NMT2: variants seen among roughly 807,000 people sequenced by gnomAD.
NMT2 encodes glycylpeptide N-tetradecanoyltransferase 2.
A neutral mutation model predicts 65.4 loss-of-function variants in NMT2; 35 were observed. That is an observed-to-expected ratio of 0.54 (90% CI 0.41 to 0.71). The LOEUF (loss-of-function observed/expected upper bound fraction) is 0.71. Ranked by LOEUF, NMT2 falls within the 30% of genes least tolerant of loss-of-function variation. The pLI, the probability that NMT2 is intolerant of heterozygous loss-of-function variation, is 0.00. For missense variants in NMT2, 489 were observed against 611.3 expected (o/e 0.80, Z 2.11); for synonymous variants, 226 against 231.8 (o/e 0.98, Z 0.23).
chr10:15,143,505 G>A (rs1426363869), intron 1 of NMT2, among the ~76,000 whole-genome samples: 1 of 152,234 alleles, frequency 6.6e-6, no homozygotes, highest in Non-Finnish European at 1.5e-5. Context: ...TGGGAAGGAC[G>A]CTTTGAAGTA....
At position 15,168,539 on chromosome 10, in the gene NMT2, T is replaced by G; in HGVS notation, c.74A>C (p.Asp25Ala). The G allele has an allele frequency of 6.3e-7, 1 of 1,593,320 alleles. No individual in the cohort carries two copies. Among genetic ancestry groups the G allele is most frequent in the Non-Finnish European group, 8.5e-7 (1 of 1,172,244 alleles). ...ELDDQDTCGI[D>A]GDNEEETEHA... ...CTCCGTCTCCTCCTCATTGTCCCCGTCTATCCCGCACGTGTCCTGGTCGTC... is the reference window on the plus strand; with the variant it reads ...CTCCGTCTCCTCCTCATTGTCCCCGGCTATCCCGCACGTGTCCTGGTCGTC... Residue 25 changes from aspartate to alanine, a missense_variant, in exon 1 of 12, where the codon GAC becomes GCC. Coordinates refer to ENST00000378165, the MANE Select transcript of NMT2 (RefSeq NM_004808.3).
At chr10:15,146,209 A>C (rs1363366376) in intron 1 of NMT2, among the ~76,000 whole-genome samples, 1 of 152,212 alleles carries the variant, frequency 6.6e-6, no homozygotes, top group Admixed American at 6.5e-5. Context: ...AGAGAGAATC[A>C]GTGGCACATT....
intron 1 of NMT2, among the ~76,000 whole-genome samples, chr10:15,152,985 TAATGGTGTATCCATTC>T (rs901363985): frequency 3.3e-5 from 5 of 152,184 alleles, no homozygotes; most frequent in African/African-American, 1.2e-4. Flanking sequence ...ATTGAAGAGG[TAATGGTGTATCCATTC>T]AATGCTACAA....
chr10:15,141,308 A>C, intron 2 of NMT2, 114 bp downstream of exon 2: 2 of 1,348,494 alleles, frequency 1.5e-6, no homozygotes, highest in Admixed American at 4.3e-5. Flanking sequence ...AGTGGCATTC[A>C]ACACACAGTC....
chr10:15,108,084 A>G lies in NMT2; in HGVS notation c.*1111T>C. 10 of 985,652 alleles carry G rather than the reference A, an allele frequency of 1.0e-5. No homozygotes were observed. The South Asian group carries it at 4.2e-4, about 42-fold the overall frequency. The allele number at this position is 985,652 out of a possible 1,614,324, so 61.1% of individuals were successfully genotyped here. A position where few individuals can be genotyped will look rare whatever the true frequency, so the allele number is the denominator to read the frequency against. On this transcript the variant is annotated 3_prime_UTR_variant, in exon 12 of 12. Transcript: ENST00000378165. ...CACCAGGCATCTCTTTTGACTTTAC[A>G]GTTTTTTATTTCCTTTTCTTCATAT...
chr10:15,112,903 G>A lies in NMT2; in HGVS notation c.1231C>T (p.His411Tyr), dbSNP rs1351204131. Residue 411 changes from histidine to tyrosine, a missense_variant, in exon 10 of 12, where the codon CAC becomes TAC. His to Tyr is a moderately conservative substitution (Grantham distance 83). Coordinates refer to ENST00000378165, the MANE Select transcript of NMT2 (RefSeq NM_004808.3). Reference sequence around the variant, plus strand: ...TTGAGGCTCTTGTGAGCAGGGTGGTGCATCACCGTGGAGGGGAGCGTATAG... The same window carrying A: ...TTGAGGCTCTTGTGAGCAGGGTGGTACATCACCGTGGAGGGGAGCGTATAG... ...SFYTLPSTVMHHPAHKSLKAA... is the reference protein window; with the variant it reads ...SFYTLPSTVMYHPAHKSLKAA... The A allele has an allele frequency of 6.2e-7, 1 of 1,614,112 alleles. No homozygotes were observed. Among genetic ancestry groups the A allele is most frequent in the East Asian group, 2.2e-5 (1 of 44,868 alleles).
At chr10:15,116,504 T>C (rs958747267) in intron 9 of NMT2, among the ~76,000 whole-genome samples, 1 of 152,058 alleles carries the variant, frequency 6.6e-6, no homozygotes, top group African/African-American at 2.4e-5. Context: ...AGTTCTTCCC[T>C]CAAGGAACTA....
chr10:15,118,620 AGCAAGTTT>A (rs1213229294), intron 9 of NMT2, among the ~76,000 whole-genome samples: 1 of 152,074 alleles, frequency 6.6e-6, no homozygotes, highest in Non-Finnish European at 1.5e-5. Context: ...TGATGTAAAT[AGCAAGTTT>A]ATAAAAGAAA....
chr10:15,145,146 T>C (rs1846918554), intron 1 of NMT2, among the ~76,000 whole-genome samples: 1 of 152,202 alleles, frequency 6.6e-6, no homozygotes, highest in Non-Finnish European at 1.5e-5. Context: ...AAGACACTAG[T>C]TGCCAAGGAC....
intron 9 of NMT2, among the ~76,000 whole-genome samples, chr10:15,115,411 T>C (rs1265216930): frequency 6.6e-6 from 1 of 152,212 alleles, no homozygotes; most frequent in Non-Finnish European, 1.5e-5. Context: ...CACATATATA[T>C]ATTGTAATAC....
rs984572747 is a variant in NMT2 at position 15,128,563 on chromosome 10, G to A, written c.891-105C>T. On this transcript the variant is annotated intron_variant, in intron 7 of 11. Coordinates refer to ENST00000378165, the MANE Select transcript of NMT2 (RefSeq NM_004808.3). ...ACATAAGCATTTACTGAATACTTACGTTGTACTAGACAGAGGCCCTCATCC... is the reference window on the plus strand; with the variant it reads ...ACATAAGCATTTACTGAATACTTACATTGTACTAGACAGAGGCCCTCATCC... The A allele has an allele frequency of 6.8e-5, 48 of 708,720 alleles. 1 individual carries two copies. The highest frequency in any genetic ancestry group is 1.3e-4 in the East Asian group (5 of 39,004). 43.9% of individuals were successfully genotyped at this position (708,720 alleles called of 1,614,324 possible). A position where few individuals can be genotyped will look rare whatever the true frequency, so the allele number is the denominator to read the frequency against.
In NMT2 at chr10:15,107,601, G is replaced by A. The variant is rs544625574; in HGVS notation, c.*1594C>T. On this transcript the variant is annotated 3_prime_UTR_variant, in exon 12 of 12. Transcript: ENST00000378165. Reference sequence around the variant, plus strand: ...CTAGCAGCTGGGATTACAGGCACCCGCCACCACACCCAGCTAGTTCTTTTT... The same window carrying A: ...CTAGCAGCTGGGATTACAGGCACCCACCACCACACCCAGCTAGTTCTTTTT... The A allele has an allele frequency of 6.7e-4, 280 of 419,846 alleles. 1 individual carries two copies. Among genetic ancestry groups the A allele is most frequent in the African/African-American group, 5.3e-3 (247 of 46,270 alleles). 26.0% of individuals were successfully genotyped at this position (419,846 alleles called of 1,614,324 possible).
chr10:15,136,932 CTT>C (rs1332353275), intron 2 of NMT2, among the ~76,000 whole-genome samples: 1 of 151,332 alleles, frequency 6.6e-6, no homozygotes, highest in Admixed American at 6.6e-5. Context: ...AAATCAATGA[CTT>C]TTTTCAATAT....
In NMT2 at chr10:15,108,717, A is replaced by G; in HGVS notation, c.*478T>C. On this transcript the variant is annotated 3_prime_UTR_variant, in exon 12 of 12. Transcript: ENST00000378165. The stretch of plus-strand genomic sequence containing the variant: ...GTTGATTCCATAAATGTTCCCAGTG[A>G]TACCATGTAAGGTGATACCAGTAAA... 2 of 999,854 alleles carry G rather than the reference A, an allele frequency of 2.0e-6. No individual in the cohort carries two copies. The highest frequency in any genetic ancestry group is 2.4e-6 in the Non-Finnish European group (2 of 840,202). The allele number at this position is 999,854 out of a possible 1,614,324, so 61.9% of individuals were successfully genotyped here. A position where few individuals can be genotyped will look rare whatever the true frequency, so the allele number is the denominator to read the frequency against.
chr10:15,158,608 T>G (rs530127617), intron 1 of NMT2, among the ~76,000 whole-genome samples: 3 of 152,240 alleles, frequency 2.0e-5, no homozygotes, highest in Non-Finnish European at 4.4e-5. Context: ...GATTGGAGAC[T>G]GAAAGTGCTG....
At position 15,130,303 on chromosome 10, in the gene NMT2, C is replaced by G; in HGVS notation, c.729G>C (p.Lys243Asn). ...ANIRIYDSVK[K>N]MVEINFLCVH... ...CACAAAGAAAGTTGATTTCTACCAT[C>G]TTCTTCACACTAAGAAATAAAGATG... The change falls in exon 7 of 12, where the codon AAG becomes AAC. Residue 243 changes from lysine (K) to asparagine (N), a missense_variant. Lys to Asn is a moderately conservative substitution (Grantham distance 94). Coordinates refer to ENST00000378165, the MANE Select transcript of NMT2 (RefSeq NM_004808.3). 1 of 1,580,436 alleles carries G rather than the reference C, an allele frequency of 6.3e-7. No homozygotes were observed. The highest frequency in any genetic ancestry group is 1.2e-5 in the South Asian group (1 of 84,546).
Position 15,168,656 on chromosome 10 carries a change from G to A in NMT2, c.-44C>T. On this transcript the variant is annotated 5_prime_UTR_variant, in exon 1 of 12. Coordinates refer to ENST00000378165, the MANE Select transcript of NMT2 (RefSeq NM_004808.3). The stretch of plus-strand genomic sequence containing the variant: ...GGAGGCGGTGCTCGGGGCCGGGCCG[G>A]AGCGGCCGCAGCTCCCTCTAGTGCC... 1 of 1,493,130 alleles carries A rather than the reference G, an allele frequency of 6.7e-7. No individual in the cohort carries two copies. The highest frequency in any genetic ancestry group is 9.0e-7 in the Non-Finnish European group (1 of 1,107,878). The allele number at this position is 1,493,130 out of a possible 1,614,324, so 92.5% of individuals were successfully genotyped here. A position where few individuals can be genotyped will look rare whatever the true frequency, so the allele number is the denominator to read the frequency against.
intron 1 of NMT2, 142 bp from the exon 2 acceptor site, chr10:15,141,699 T>G: frequency 1.2e-5 from 14 of 1,134,542 alleles, no homozygotes; most frequent in Non-Finnish European, 1.7e-5. Flanking sequence ...AGGTGAGGAA[T>G]AAAAGGTAGT....
rs148835651 is a variant in NMT2, at chr10:15,160,817, G to C, written c.110+7686C>G. 1.7e-3 allele frequency among the ~76,000 whole-genome samples: 261 copies of C among 151,910 alleles called. 1 individual carries two copies. The highest frequency in any genetic ancestry group is 5.9e-3 in the African/African-American group (244 of 41,448). On this transcript the variant is annotated intron_variant, in intron 1 of 11. Coordinates refer to ENST00000378165, the MANE Select transcript of NMT2 (RefSeq NM_004808.3). ...GACAGGCGATCCCAGCATGTGAAAGGACATGGAAACCCTTTGGTAATAGAA... is the reference window on the plus strand; with the variant it reads ...GACAGGCGATCCCAGCATGTGAAAGCACATGGAAACCCTTTGGTAATAGAA...
Sources: allele counts gnomAD v4.1 joint callset (sites outside exome capture counted in the v4.1 genomes callset), GRCh38; gene constraint gnomAD v4.1.1; transcripts MANE v1.5; gene names NCBI Gene and HGNC (gene_info 2026-07-23, HGNC 2026-07-21).